Variants in GKAP1 observed in about 807,000 individuals in gnomAD.
GKAP1 encodes G kinase-anchoring protein 1.
In GKAP1, 31 loss-of-function variants were observed where a neutral mutation model predicts 56.7. The ratio of observed to expected loss-of-function variants is 0.55; its 90% CI spans 0.41 to 0.74. The LOEUF is 0.74. Ranked by LOEUF, GKAP1 falls within the 30% of genes least tolerant of loss-of-function variation. The pLI is 0.00. For missense variants in GKAP1, 364 were observed against 402.3 expected (o/e 0.90, Z 0.82); for synonymous variants, 151 against 138.6 (o/e 1.09, Z -0.63).
intron 7 of GKAP1, among the ~76,000 whole-genome samples, chr9:83,771,515 C>G (rs1414764468): frequency 6.6e-6 from 1 of 152,090 alleles, no homozygotes; most frequent in Non-Finnish European, 1.5e-5. Context: ...ATTTGTATAC[C>G]AGTGCTTACT....
intron 9 of GKAP1, among the ~76,000 whole-genome samples, chr9:83,752,583 G>C (rs1276458974): frequency 6.6e-6 from 1 of 152,126 alleles, no homozygotes; most frequent in Non-Finnish European, 1.5e-5. Context: ...TTCTTTGTGG[G>C]TTAAGAGTTT....
chr9:83,787,042 C>T (rs1265677146), intron 5 of GKAP1, among the ~76,000 whole-genome samples: 3 of 152,150 alleles, frequency 2.0e-5, no homozygotes, highest in Non-Finnish European at 4.4e-5. Context: ...GTAAAACTAG[C>T]TGTATCAATT....
At chr9:83,775,598 G>A (rs1159714058) in intron 7 of GKAP1, among the ~76,000 whole-genome samples, 1 of 151,682 alleles carries the variant, frequency 6.6e-6, no homozygotes, top group Non-Finnish European at 1.5e-5. Context: ...AACTTGAGTC[G>A]GGCACAGTGG....
At chr9:83,771,505 A>C (rs1033729560) in intron 7 of GKAP1, among the ~76,000 whole-genome samples, 1 of 152,220 alleles carries the variant, frequency 6.6e-6, no homozygotes, top group African/African-American at 2.4e-5. Context: ...AAAAAAATTT[A>C]TTTGTATACC....
intron 8 of GKAP1, among the ~76,000 whole-genome samples, chr9:83,753,935 A>G (rs564304747): frequency 6.6e-6 from 1 of 152,316 alleles, no homozygotes; most frequent in East Asian, 1.9e-4. Flanking sequence ...TGTAAGTTCA[A>G]TAACATTTCA....
chr9:83,790,109 ATC>A (rs1360880861), intron 4 of GKAP1, among the ~76,000 whole-genome samples: 1 of 152,204 alleles, frequency 6.6e-6, no homozygotes, highest in Admixed American at 6.5e-5. Context: ...CTTTGAAAGC[ATC>A]TAATCCTATG....
In GKAP1 at chr9:83,748,223, G is replaced by A. The variant is rs1012060690; in HGVS notation, c.904+86C>T. On this transcript the variant is annotated intron_variant, in intron 10 of 12. Coordinates refer to ENST00000376371, the MANE Select transcript of GKAP1 (RefSeq NM_025211.4). ...TATTGTGCTATCAAACACTTTTGTT[G>A]AGTTGGTAAATCACACATTTGAAAA... The A allele has an allele frequency of 2.3e-5, 19 of 833,688 alleles. No homozygotes were observed. In the African/African-American group the frequency reaches 2.9e-4, roughly 13 times the overall value. 51.6% of individuals were successfully genotyped at this position (833,688 alleles called of 1,614,324 possible). A position where few individuals can be genotyped will look rare whatever the true frequency, so the allele number is the denominator to read the frequency against.
chr9:83,803,804 T>C (rs560317696), intron 3 of GKAP1, among the ~76,000 whole-genome samples: 87 of 147,398 alleles, frequency 5.9e-4, no homozygotes, highest in African/African-American at 2.2e-3. Context: ...ATCTAGGAAG[T>C]GAGGAGCGCC....
chr9:83,784,746 G>C lies in GKAP1; in HGVS notation c.531C>G (p.Leu177=). Residue 177 remains leucine (L), a synonymous_variant, in exon 6 of 13, where the codon CTC becomes CTG. Transcript: ENST00000376371. The part of the protein sequence containing the change: ...RKNHQGKDRP[L]TVSLKDFHSE... ...AATGAAAATCTTTTAGTGATACTGT[G>C]AGAGGTCTGTCTTTTCCCTGATGAT... 6.2e-7 allele frequency: 1 copy of C among 1,601,832 alleles called. No homozygotes were observed. The highest frequency in any genetic ancestry group is 1.3e-5 in the African/African-American group (1 of 74,556).
At chr9:83,771,329 C>G (rs1201458210) in intron 7 of GKAP1, among the ~76,000 whole-genome samples, 1 of 151,952 alleles carries the variant, frequency 6.6e-6, no homozygotes, top group African/African-American at 2.4e-5. Context: ...GTGATCCACC[C>G]GCCTCAGCCT....
intron 3 of GKAP1, 150 bp from the exon 4 acceptor site, chr9:83,799,478 GT>G: frequency 5.1e-6 from 3 of 584,910 alleles, no homozygotes; most frequent in Non-Finnish European, 8.7e-6. Context: ...TATTATTTGT[GT>G]TTTCTATAAT....
chr9:83,795,531 T>C (rs1476511912), intron 4 of GKAP1, among the ~76,000 whole-genome samples: 1 of 151,734 alleles, frequency 6.6e-6, no homozygotes, highest in Non-Finnish European at 1.5e-5. Flanking sequence ...CTCAGAAAAA[T>C]TTGCAGAAAG....
intron 8 of GKAP1, among the ~76,000 whole-genome samples, chr9:83,759,859 C>T (rs1403023621): frequency 6.6e-6 from 1 of 152,134 alleles, no homozygotes; most frequent in Non-Finnish European, 1.5e-5. Context: ...ATAAACTTTG[C>T]TTTCTGCTCA....
chr9:83,790,979 A>G (rs80143675), intron 4 of GKAP1, among the ~76,000 whole-genome samples: 3,329 of 152,316 alleles, frequency 0.022, 134 homozygotes, highest in African/African-American at 0.076. Flanking sequence ...TATTCCAGAA[A>G]TAAGTTAGTG....
chr9:83,814,473 A>G (rs536434069), intron 2 of GKAP1, among the ~76,000 whole-genome samples: 47 of 152,274 alleles, frequency 3.1e-4, no homozygotes, highest in African/African-American at 1.0e-3. Context: ...CTCCTCTGTA[A>G]TATTTCCATA....
rs1944493107 is a variant in GKAP1, at chr9:83,810,508, A to AT, written c.-43-3949dup. 3.3e-5 allele frequency among the ~76,000 whole-genome samples: 5 copies of AT among 152,126 alleles called. No homozygotes were observed. In the South Asian group the frequency reaches 8.3e-4, roughly 25 times the overall value. On this transcript the variant is annotated intron_variant, in intron 2 of 12. Transcript: ENST00000376371. ...ATACTATAACAAAAACGTTTTTCAC[A>AT]TTTTTTTCCATCTAGTTCAGTACAG...
intron 3 of GKAP1, among the ~76,000 whole-genome samples, chr9:83,802,782 T>A (rs939231888): frequency 7.3e-5 from 11 of 151,310 alleles, no homozygotes; most frequent in Admixed American, 5.9e-4. Context: ...AGCTATATCA[T>A]GCCACTGAAC....
At chr9:83,749,851 C>T (rs186183993) in intron 9 of GKAP1, among the ~76,000 whole-genome samples, 12 of 152,148 alleles carry the variant, frequency 7.9e-5, no homozygotes, top group Admixed American at 3.9e-4. Context: ...TGAATATAAA[C>T]GTAGAAAGAC....
intron 12 of GKAP1, 52 bp downstream of exon 12, chr9:83,741,900 A>T: frequency 9.2e-7 from 1 of 1,092,624 alleles, no homozygotes; most frequent in Non-Finnish European, 1.4e-6. Flanking sequence ...CACAGTATCT[A>T]CTCCAAATGT....
Sources: allele counts gnomAD v4.1 joint callset (sites outside exome capture counted in the v4.1 genomes callset), GRCh38; gene constraint gnomAD v4.1.1; transcripts MANE v1.5; gene names NCBI Gene and HGNC (gene_info 2026-07-23, HGNC 2026-07-21).